Variants in KDM4C observed in about 807,000 individuals in gnomAD.
The protein encoded by KDM4C is lysine demethylase 4C.
A neutral mutation model predicts 129.3 loss-of-function variants in KDM4C; 81 were observed. That is an observed-to-expected ratio of 0.63 (90% confidence interval 0.52 to 0.75). KDM4C has a LOEUF of 0.75. Among genes scored for constraint, KDM4C ranks in the 30% least tolerant of loss-of-function variants. The pLI, the probability that KDM4C is intolerant of heterozygous loss-of-function variation, is 0.00. For missense variants in KDM4C, 1,457 were observed against 1,304.0 expected (o/e 1.12, Z -1.81); for synonymous variants, 573 against 456.1 (o/e 1.26, Z -3.26).
At chr9:6,842,102 A>G (rs1837039392) in intron 4 of KDM4C, among the ~76,000 whole-genome samples, 1 of 152,170 alleles carries the variant, frequency 6.6e-6, no homozygotes, top group Non-Finnish European at 1.5e-5. Context: ...ACATTTATGG[A>G]GTAACTGATA....
intron 8 of KDM4C, among the ~76,000 whole-genome samples, chr9:6,934,084 C>G (rs1037012411): frequency 6.6e-6 from 1 of 151,944 alleles, no homozygotes; most frequent in African/African-American, 2.4e-5. Context: ...AACTCCTGAT[C>G]TCAAGTGATC....
At chr9:6,858,212 C>A (rs1009868857) in intron 5 of KDM4C, among the ~76,000 whole-genome samples, 2 of 152,078 alleles carry the variant, frequency 1.3e-5, no homozygotes, top group African/African-American at 4.8e-5. Flanking sequence ...AATCCCTTTT[C>A]TACCTGCTTT....
chr9:6,851,109 G>T lies in KDM4C; in HGVS notation c.629+1409G>T, dbSNP rs111366003. Among the ~76,000 whole-genome samples, 476 of 152,284 alleles carry T rather than the reference G, an allele frequency of 3.1e-3. 3 individuals carry two copies. The highest frequency in any genetic ancestry group is 0.029 in the East Asian group (152 of 5,164). On this transcript the variant is annotated intron_variant, in intron 5 of 21. Transcript: ENST00000381309. ...ACTCATACAGGCTCCAGTGACAAGA[G>T]AATGTGATCGGATTATTCATTACTC... is the stretch of plus-strand genomic sequence containing the variant.
intron 1 of KDM4C, among the ~76,000 whole-genome samples, chr9:6,740,256 T>A (rs573517541): frequency 1.8e-4 from 28 of 152,004 alleles, no homozygotes; most frequent in Admixed American, 3.9e-4. Flanking sequence ...CAGGCTGGAG[T>A]GCAGTGATGC....
At chr9:6,964,648 G>C (rs373303607) in intron 8 of KDM4C, among the ~76,000 whole-genome samples, 4 of 151,978 alleles carry the variant, frequency 2.6e-5, no homozygotes, top group Non-Finnish European at 5.9e-5. Flanking sequence ...CGGGTGTGGT[G>C]GTGGGCGCCT....
chr9:6,954,587 T>A (rs1475701005), intron 8 of KDM4C, among the ~76,000 whole-genome samples: 1 of 152,194 alleles, frequency 6.6e-6, no homozygotes, highest in South Asian at 2.1e-4. Flanking sequence ...AAAATTCTTA[T>A]ATATGTTAAT....
intron 19 of KDM4C, among the ~76,000 whole-genome samples, chr9:7,144,211 A>G (rs1371061423): frequency 6.6e-6 from 1 of 151,546 alleles, no homozygotes; most frequent in Admixed American, 6.6e-5. Context: ...TCGGCCTCCC[A>G]AACTCAAACT....
At chr9:6,841,747 ACAAAGCAGAATG>A (rs1836963057) in intron 4 of KDM4C, among the ~76,000 whole-genome samples, 1 of 152,206 alleles carries the variant, frequency 6.6e-6, no homozygotes, top group East Asian at 1.9e-4. Context: ...CACTTGGTGG[ACAAAGCAGAATG>A]CATGATCAGG....
chr9:7,013,785 C>T lies in KDM4C; in HGVS notation c.1969-3C>T, dbSNP rs1417945652. 4 of 1,613,090 alleles carry T rather than the reference C, an allele frequency of 2.5e-6. No homozygotes were observed. The highest frequency in any genetic ancestry group is 3.4e-6 in the Non-Finnish European group (4 of 1,179,512). On this transcript the variant is annotated splice_polypyrimidine_tract_variant and splice_region_variant and intron_variant, in intron 13 of 21. Coordinates refer to ENST00000381309, the MANE Select transcript of KDM4C (RefSeq NM_015061.6). ...ACTCATGTGGAAACGTTATGTTTTT[C>T]AGCCAGATAGCAGCAATGAAGAAAA... is the stretch of plus-strand genomic sequence containing the variant.
intron 4 of KDM4C, among the ~76,000 whole-genome samples, chr9:6,831,450 C>G (rs543288938): frequency 6.6e-6 from 1 of 152,274 alleles, no homozygotes; most frequent in South Asian, 2.1e-4. Context: ...TCAAGTAATT[C>G]TCCTGCCATA....
intron 3 of KDM4C, among the ~76,000 whole-genome samples, chr9:6,807,957 C>G (rs1194841680): frequency 4.9e-5 from 6 of 122,072 alleles, no homozygotes; most frequent in African/African-American, 1.9e-4. Context: ...GTCAGCCCCC[C>G]GCCCGGCCAG....
intron 4 of KDM4C, among the ~76,000 whole-genome samples, chr9:6,823,291 CT>C (rs1224403478): frequency 6.6e-6 from 1 of 152,184 alleles, no homozygotes; most frequent in Non-Finnish European, 1.5e-5. Context: ...TCAGTGGCCC[CT>C]TGGAACCAAT....
chr9:6,737,005 C>T (rs371046203), intron 1 of KDM4C, among the ~76,000 whole-genome samples: 16 of 135,956 alleles, frequency 1.2e-4, no homozygotes, highest in African/African-American at 3.6e-4. Flanking sequence ...GAGCCAAGAT[C>T]ACACCACTAC....
chr9:6,799,423 G>A (rs1479493345), intron 2 of KDM4C, among the ~76,000 whole-genome samples: 3 of 152,204 alleles, frequency 2.0e-5, no homozygotes, highest in African/African-American at 7.2e-5. Flanking sequence ...AAACCAGTCA[G>A]GAGTGGCGGC....
At chr9:6,961,172 T>C (rs59881354) in intron 8 of KDM4C, among the ~76,000 whole-genome samples, 16,182 of 152,248 alleles carry the variant, frequency 0.11, 2,352 homozygotes, top group African/African-American at 0.33. Context: ...AAAGGTAATA[T>C]CTAAAATTAG....
At chr9:7,063,298 C>G (rs1162847613) in intron 17 of KDM4C, among the ~76,000 whole-genome samples, 1 of 152,114 alleles carries the variant, frequency 6.6e-6, no homozygotes, top group African/African-American at 2.4e-5. Flanking sequence ...TTTTTGCTGT[C>G]TCAACATTTT....
intron 1 of KDM4C, among the ~76,000 whole-genome samples, chr9:6,735,788 G>A (rs1817507936): frequency 6.6e-6 from 1 of 152,164 alleles, no homozygotes; most frequent in African/African-American, 2.4e-5. Context: ...GCAGGGCACT[G>A]CTGTAGATAC....
chr9:7,142,287 C>T (rs182941012), intron 19 of KDM4C, among the ~76,000 whole-genome samples: 5 of 152,252 alleles, frequency 3.3e-5, no homozygotes, highest in African/African-American at 9.6e-5. Context: ...CCCCCTGTTT[C>T]CTTTTTAAAA....
chr9:6,751,811 C>G (rs1468777954), intron 1 of KDM4C, among the ~76,000 whole-genome samples: 1 of 152,038 alleles, frequency 6.6e-6, no homozygotes, highest in Non-Finnish European at 1.5e-5. Flanking sequence ...AGAATACCTT[C>G]TGGAAGAATT....
Sources: gnomAD v4.1 joint callset for allele counts (sites outside exome capture counted in the v4.1 genomes callset) on GRCh38, gnomAD v4.1.1 for gene constraint, MANE v1.5 for transcripts, NCBI Gene and HGNC (gene_info 2026-07-23, HGNC 2026-07-21) for gene names.